Variants in C9 observed in about 807,000 individuals in gnomAD.
C9 encodes complement component C9.
C9 carries 63 observed loss-of-function variants against 65.4 expected under a neutral mutation model. The ratio of observed to expected loss-of-function variants is 0.96; its 90% confidence interval spans 0.79 to 1.19. C9 has a LOEUF of 1.19. Among genes scored for constraint, C9 ranks in the 50% most tolerant of loss-of-function variants. The pLI, the probability that C9 is intolerant of heterozygous loss-of-function variation, is 0.00. For synonymous variants in C9, 229 were observed against 227.9 expected, an observed-to-expected ratio of 1.00 and a Z score of -0.04; for missense variants, 744 against 670.1, an observed-to-expected ratio of 1.11 and a Z score of -1.22.
At chr5:39,339,334 G>T (rs1283731229) in intron 4 of C9, among the ~76,000 whole-genome samples, 1 of 152,202 alleles carries the variant, frequency 6.6e-6, no homozygotes, top group African/African-American at 2.4e-5. Flanking sequence ...AAGGGCACGT[G>T]AAATGCTTTA....
At chr5:39,340,178 A>G (rs1280062825) in intron 4 of C9, among the ~76,000 whole-genome samples, 1 of 152,216 alleles carries the variant, frequency 6.6e-6, no homozygotes, top group Non-Finnish European at 1.5e-5. Flanking sequence ...TAATTAGCCA[A>G]TGTATCCACC....
chr5:39,330,502 C>A (rs1753820448), intron 5 of C9, among the ~76,000 whole-genome samples: 1 of 152,202 alleles, frequency 6.6e-6, no homozygotes, highest in Admixed American at 6.5e-5. Context: ...AAACTCCAAA[C>A]AAACTAAATC....
At chr5:39,341,484 T>C (rs540213883) in intron 3 of C9, 72 bp downstream of exon 3, 12 of 1,551,364 alleles carry the variant, frequency 7.7e-6, no homozygotes, top group African/African-American at 2.7e-5. Context: ...CAGAAGCATA[T>C]GCTTTTTTTT....
At chr5:39,341,380 G>C in intron 3 of C9, 87 bp from the exon 4 acceptor site, 1 of 1,521,140 alleles carries the variant, frequency 6.6e-7, no homozygotes, top group Non-Finnish European at 9.1e-7. Flanking sequence ...TTTAACCCTG[G>C]AGGTGAGGTA....
chr5:39,342,137 C>T lies in C9; in HGVS notation c.137G>A (p.Ser46Asn). ...GCATTGTGACCATTCACTCCAGGGG[C>T]TCATTCTGCAGTCTATGTGTGATGC... Reference protein sequence around the residue: ...GSASHIDCRMSPWSEWSQCDP... With the variant: ...GSASHIDCRMNPWSEWSQCDP... Residue 46 changes from serine to asparagine, a missense_variant, in exon 2 of 11, where the codon AGC (serine) becomes AAC (asparagine). Ser to Asn is a conservative substitution (Grantham distance 46). Transcript: ENST00000263408. 1 of 1,611,036 alleles carries T rather than the reference C, an allele frequency of 6.2e-7. No individual in the cohort carries two copies. Among genetic ancestry groups the T allele is most frequent in the Non-Finnish European group, 8.5e-7 (1 of 1,177,218 alleles).
At chr5:39,336,209 AT>A (rs967601730) in intron 4 of C9, among the ~76,000 whole-genome samples, 1 of 151,892 alleles carries the variant, frequency 6.6e-6, no homozygotes, top group African/African-American at 2.4e-5. Flanking sequence ...CTTTTTATTT[AT>A]TTTTTTAATA....
rs528262065 is a variant in C9 at position 39,356,704 on chromosome 5, T to C, written c.77+7684A>G. Among the ~76,000 whole-genome samples the C allele has an allele frequency of 2.6e-5, 4 of 152,350 alleles. No homozygotes were observed. In the South Asian group the frequency reaches 8.3e-4, roughly 32 times the overall value. On this transcript the variant is annotated intron_variant, in intron 1 of 10. Transcript: ENST00000263408. ...CAAGTCATGCAAAAAGAATATATTA[T>C]TGAAAGAATATGCTGCATAAATACT...
At position 39,342,120 on chromosome 5, in the gene C9, A is replaced by T. The variant is rs771528254; in HGVS notation, c.154T>A (p.Ser52Thr). The T allele has an allele frequency of 6.2e-7, 1 of 1,603,902 alleles. No homozygotes were observed. The stretch of plus-strand genomic sequence containing the variant: ...TGTCTGAGACAAGGATCGCATTGTG[A>T]CCATTCACTCCAGGGGCTCATTCTG... ...DCRMSPWSEWSQCDPCLRQMF... is the reference protein window; with the variant it reads ...DCRMSPWSEWTQCDPCLRQMF... Residue 52 changes from serine (S) to threonine (T), a missense_variant, in exon 2 of 11, where the codon TCA becomes ACA. Physicochemically the swap from Ser to Thr is moderately conservative, Grantham distance 58 (BLOSUM62 1). Transcript: ENST00000263408.
chr5:39,348,578 G>C (rs2111969616), intron 1 of C9, among the ~76,000 whole-genome samples: 1 of 152,284 alleles, frequency 6.6e-6, no homozygotes, highest in Non-Finnish European at 1.5e-5. Flanking sequence ...TGGTGGGACT[G>C]TAAACTAGTT....
chr5:39,308,296 A>T lies in C9; in HGVS notation c.1174T>A (p.Ser392Thr), dbSNP rs757415560. 6.2e-7 allele frequency: 1 copy of T among 1,608,614 alleles called. No individual in the cohort carries two copies. The highest frequency in any genetic ancestry group is 1.3e-5 in the African/African-American group (1 of 74,822). Residue 392 changes from serine (S) to threonine (T), a missense_variant, in exon 8 of 11, where the codon TCT (serine) becomes ACT (threonine). Ser to Thr is a moderately conservative substitution (Grantham distance 58). Coordinates refer to ENST00000263408, the MANE Select transcript of C9 (RefSeq NM_001737.5). ...GYHLDVSLAFSEISVGAEFNK... is the reference protein window; with the variant it reads ...GYHLDVSLAFTEISVGAEFNK... ...AATTCAGCTCCAACAGAGATTTCAG[A>T]GAAAGCCAGAGATACATCCAGATGA...
At chr5:39,327,854 G>C (rs969972713) in intron 5 of C9, among the ~76,000 whole-genome samples, 6 of 152,156 alleles carry the variant, frequency 3.9e-5, no homozygotes, top group African/African-American at 1.4e-4. Flanking sequence ...TTCTCCAAAA[G>C]GGAGCTCAAA....
intron 3 of C9, 84 bp from the exon 4 acceptor site, chr5:39,341,377 C>T: frequency 2.6e-6 from 4 of 1,532,716 alleles, no homozygotes; most frequent in Non-Finnish European, 3.6e-6. Flanking sequence ...CATTTTAACC[C>T]TGGAGGTGAG....
At chr5:39,285,573 G>C (rs1752976851) in intron 10 of C9, among the ~76,000 whole-genome samples, 1 of 152,032 alleles carries the variant, frequency 6.6e-6, no homozygotes, top group Non-Finnish European at 1.5e-5. Context: ...TTTAACCCTG[G>C]CTAAAGATTA....
At chr5:39,345,250 C>G (rs1097210) in intron 1 of C9, among the ~76,000 whole-genome samples, 11,737 of 152,076 alleles carry the variant, frequency 0.077, 887 homozygotes, top group African/African-American at 0.19. Context: ...GAGTAAAGAC[C>G]CATCAGTGTG....
At chr5:39,308,158 T>C in intron 8 of C9, 72 bp downstream of exon 8, 3 of 1,339,948 alleles carry the variant, frequency 2.2e-6, no homozygotes, top group Admixed American at 1.7e-5. Context: ...AGAGGGCTCA[T>C]TGCAAGAGGG....
chr5:39,337,329 C>T (rs755720246), intron 4 of C9, among the ~76,000 whole-genome samples: 1 of 152,100 alleles, frequency 6.6e-6, no homozygotes, highest in Non-Finnish European at 1.5e-5. Flanking sequence ...GTTGGCTGGA[C>T]CCATCTGGAA....
Position 39,358,351 on chromosome 5 carries a change from G to C in C9, c.77+6037C>G, listed in dbSNP as rs952407249. ...AGGGAAAAATAAGTGCAAAGGCCCT[G>C]ATGTGGCATGTTGGAGGCACAGCAA... On this transcript the variant is annotated intron_variant, in intron 1 of 10. Coordinates refer to ENST00000263408, the MANE Select transcript of C9 (RefSeq NM_001737.5). Among the ~76,000 whole-genome samples the C allele has an allele frequency of 2.6e-5, 4 of 152,164 alleles. No homozygotes were observed. In the East Asian group the frequency reaches 7.7e-4, roughly 29 times the overall value.
chr5:39,299,417 A>G (rs1753243816), intron 9 of C9, among the ~76,000 whole-genome samples: 1 of 152,152 alleles, frequency 6.6e-6, no homozygotes, highest in African/African-American at 2.4e-5. Context: ...CCCGTCTGGG[A>G]ACAAATAAAT....
chr5:39,309,283 C>T lies in C9; in HGVS notation c.1112-925G>A, dbSNP rs1443560443. 7.2e-5 allele frequency among the ~76,000 whole-genome samples: 11 copies of T among 152,158 alleles called. No homozygotes were observed. The South Asian group carries it at 8.3e-4, about 11-fold the overall frequency. On this transcript the variant is annotated intron_variant, in intron 7 of 10. Coordinates refer to ENST00000263408, the MANE Select transcript of C9 (RefSeq NM_001737.5). ...TCATACATGCAAACACACACACACA[C>T]ACATACACACGAATTTGTGATTATT... is the stretch of plus-strand genomic sequence containing the variant.
Sources: allele counts gnomAD v4.1 joint callset (sites outside exome capture counted in the v4.1 genomes callset), GRCh38; gene constraint gnomAD v4.1.1; transcripts MANE v1.5; gene names NCBI Gene and HGNC (gene_info 2026-07-23, HGNC 2026-07-21).